CYTH1: variants seen among roughly 807,000 people sequenced by gnomAD.
CYTH1 encodes cytohesin 1.
Under a neutral mutation model 61.8 loss-of-function variants are expected in CYTH1, and 18 were observed. The observed-to-expected ratio is 0.29, with a 90% CI of 0.20 to 0.43. The LOEUF is 0.43. Ranked by LOEUF, CYTH1 falls within the 20% of genes least tolerant of loss-of-function variation. The pLI, the probability that CYTH1 is intolerant of heterozygous loss-of-function variation, is 1.00. For missense variants in CYTH1, 336 were observed against 510.5 expected, an observed-to-expected ratio of 0.66 and a Z score of 3.29; for synonymous variants, 174 against 184.3, an observed-to-expected ratio of 0.94 and a Z score of 0.45.
At chr17:78,752,557 C>T (rs561501704) in intron 1 of CYTH1, among the ~76,000 whole-genome samples, 3 of 152,190 alleles carry the variant, frequency 2.0e-5, no homozygotes, top group East Asian at 1.9e-4. Context: ...CTCAGCTTCC[C>T]GAGTAACTGA....
At chr17:78,727,583 A>G (rs180716766) in intron 1 of CYTH1, 105 of 437,658 alleles carry the variant, frequency 2.4e-4, no homozygotes, top group African/African-American at 5.5e-4. Context: ...GAGAGGTGTA[A>G]GAAGGAGCTG....
intron 1 of CYTH1, among the ~76,000 whole-genome samples, chr17:78,766,201 A>G (rs2093448145): frequency 6.6e-6 from 1 of 152,084 alleles, no homozygotes; most frequent in African/African-American, 2.4e-5. Context: ...CCTGGAAGAA[A>G]CATTATTCTG....
At chr17:78,688,061 ATGT>A (rs904054116) in intron 11 of CYTH1, among the ~76,000 whole-genome samples, 6 of 152,166 alleles carry the variant, frequency 3.9e-5, no homozygotes, top group Admixed American at 3.9e-4. Flanking sequence ...TCCTGCATAA[ATGT>A]TGTTAAGTTC....
intron 1 of CYTH1, among the ~76,000 whole-genome samples, chr17:78,767,453 G>A (rs1200583804): frequency 1.3e-5 from 2 of 152,046 alleles, no homozygotes; most frequent in Non-Finnish European, 2.9e-5. Flanking sequence ...TGGAAAGCAG[G>A]GCCTATATCT....
intron 1 of CYTH1, among the ~76,000 whole-genome samples, chr17:78,747,145 C>CAAAAAAAAAA (rs56201341): frequency 8.6e-5 from 5 of 57,830 alleles, no homozygotes; most frequent in Non-Finnish European, 8.9e-5. Flanking sequence ...ATGGCAGCGC[C>CAAAAAAAAAA]AAAAAAAAAA....
At chr17:78,711,094 C>A (rs2093124529) in intron 1 of CYTH1, among the ~76,000 whole-genome samples, 1 of 151,822 alleles carries the variant, frequency 6.6e-6, no homozygotes, top group African/African-American at 2.4e-5. Flanking sequence ...AACCCCGTCA[C>A]TACTAAAAAT....
chr17:78,698,301 T>C lies in CYTH1; in HGVS notation c.779A>G (p.Asn260Ser), dbSNP rs767036902. The C allele has an allele frequency of 1.4e-5, 23 of 1,613,294 alleles. No homozygotes were observed. The highest frequency in any genetic ancestry group is 1.7e-5 in the Admixed American group (1 of 59,732). The change falls in exon 9 of 14, where the codon AAT becomes AGT. Residue 260 changes from asparagine to serine, a missense_variant. Asn to Ser is a conservative substitution (Grantham distance 46, BLOSUM62 1). Around this residue, in one of 4 missense-constraint regions of CYTH1, gnomAD observed 125 missense variants for 209.9 expected, o/e 0.60. Transcript: ENST00000446868. ...DGNDLTHTFFNPDREGWLLKL... is the reference protein window; with the variant it reads ...DGNDLTHTFFSPDREGWLLKL... Reference sequence around the variant, plus strand: ...CAATAGCCAGCCTTCTCGGTCTGGATTGAAGAAAGTGTGAGTGAGGTCATT... The same window carrying C: ...CAATAGCCAGCCTTCTCGGTCTGGACTGAAGAAAGTGTGAGTGAGGTCATT...
intron 3 of CYTH1, among the ~76,000 whole-genome samples, chr17:78,705,175 C>T (rs1263945512): frequency 2.0e-5 from 3 of 152,172 alleles, no homozygotes; most frequent in Admixed American, 6.5e-5. Context: ...GCTCAGCTTC[C>T]TGGGCCTCAG....
intron 12 of CYTH1, 120 bp from the exon 13 acceptor site, chr17:78,680,464 AT>A (rs2092748547): frequency 1.7e-6 from 2 of 1,162,894 alleles, no homozygotes; most frequent in Non-Finnish European, 2.4e-6. Flanking sequence ...AGGAATACAT[AT>A]TTTCCTGTGG....
chr17:78,728,520 C>T (rs1271065087), intron 1 of CYTH1, among the ~76,000 whole-genome samples: 1 of 151,766 alleles, frequency 6.6e-6, no homozygotes, highest in Admixed American at 6.6e-5. Flanking sequence ...TGCACTCCAG[C>T]CTGGGTAATG....
At chr17:78,733,632 G>C (rs145303296) in intron 1 of CYTH1, among the ~76,000 whole-genome samples, 2 of 152,250 alleles carry the variant, frequency 1.3e-5, no homozygotes, top group Admixed American at 1.3e-4. Flanking sequence ...CAGCACACCC[G>C]GCCACAGCGG....
chr17:78,776,562 G>A (rs1048289646), intron 1 of CYTH1, among the ~76,000 whole-genome samples: 3 of 151,388 alleles, frequency 2.0e-5, no homozygotes, highest in Non-Finnish European at 2.9e-5. Context: ...AGGAGGCTGA[G>A]GCACGAGAAT....
intron 1 of CYTH1, among the ~76,000 whole-genome samples, chr17:78,725,688 G>A (rs1423121850): frequency 6.6e-6 from 1 of 152,148 alleles, no homozygotes; most frequent in African/African-American, 2.4e-5. Flanking sequence ...GATCACAGCC[G>A]GGGTTTACCT....
At chr17:78,679,866 G>A (rs1036289774) in intron 13 of CYTH1, among the ~76,000 whole-genome samples, 3 of 152,206 alleles carry the variant, frequency 2.0e-5, no homozygotes, top group African/African-American at 7.2e-5. Context: ...CTGTCACTAT[G>A]AGAATGAGAG....
intron 2 of CYTH1, 160 bp downstream of exon 2, chr17:78,709,490 G>A: frequency 1.5e-6 from 1 of 661,084 alleles, no homozygotes; most frequent in South Asian, 2.0e-5. Context: ...AGCTGTAGAG[G>A]AAAGGTGACT....
intron 1 of CYTH1, among the ~76,000 whole-genome samples, chr17:78,773,643 A>T (rs1182710089): frequency 6.6e-6 from 1 of 151,850 alleles, no homozygotes; most frequent in Non-Finnish European, 1.5e-5. Flanking sequence ...AAAAAAAAAA[A>T]ATTAAATTAA....
rs1161631258 is a variant in CYTH1, at chr17:78,717,110, A to ATGTGCCAGGGAGGCGG, written c.23-7394_23-7379dup. ...ACTGCCACGTGCTGCAGCCATGCTT[A>ATGTGCCAGGGAGGCGG]TGTGCCAGGGAGGCGGTGTGCCAGG... On this transcript the variant is annotated intron_variant, in intron 1 of 13. Coordinates refer to ENST00000446868, the MANE Select transcript of CYTH1 (RefSeq NM_004762.6). This position sits in a 1 kb window ranked among gnomAD's most constrained non-coding sequence, Gnocchi z 4.4. 1 of 152,478 alleles carries ATGTGCCAGGGAGGCGG rather than the reference A, an allele frequency of 6.6e-6. No individual in the cohort carries two copies. The highest frequency in any genetic ancestry group is 2.4e-5 in the African/African-American group (1 of 41,460). 9.4% of individuals were successfully genotyped at this position (152,478 alleles called of 1,614,324 possible).
Position 78,674,785 on chromosome 17 carries a change from A to G in CYTH1, c.*1306T>C, listed in dbSNP as rs1598799423. 6.6e-6 allele frequency: 1 copy of G among 152,420 alleles called. No individual in the cohort carries two copies. The highest frequency in any genetic ancestry group is 2.4e-5 in the African/African-American group (1 of 41,450). 9.4% of individuals were successfully genotyped at this position (152,420 alleles called of 1,614,324 possible). ...ATGCTGGCCCTGGCGGAGTGGCAGG[A>G]GCTGCCCTGAGAGTCCCTGAGAGAA... is the stretch of plus-strand genomic sequence containing the variant. On this transcript the variant is annotated 3_prime_UTR_variant, in exon 14 of 14. Coordinates refer to ENST00000446868, the MANE Select transcript of CYTH1 (RefSeq NM_004762.6).
At chr17:78,722,378 A>G (rs1230368588) in intron 1 of CYTH1, among the ~76,000 whole-genome samples, 1 of 152,178 alleles carries the variant, frequency 6.6e-6, no homozygotes, top group Non-Finnish European at 1.5e-5. Flanking sequence ...ACAGGGAAGA[A>G]CCATTTTCTA....
Sources: gnomAD v4.1 joint callset for allele counts (sites outside exome capture counted in the v4.1 genomes callset) on GRCh38, gnomAD v4.1.1 for gene constraint, gnomAD v4.1.1 regional missense constraint, Gnocchi (gnomAD v3.1) non-coding constraint, MANE v1.5 for transcripts, NCBI Gene and HGNC (gene_info 2026-07-23, HGNC 2026-07-21) for gene names.